The following ETS1 variants were observed in gnomAD, a reference collection of about 807,000 sequenced individuals.
The protein encoded by ETS1 is protein C-ets-1.
ETS1 carries 15 observed loss-of-function variants against 58.6 expected under a neutral mutation model. That is an observed-to-expected ratio of 0.26 (90% CI 0.17 to 0.39). The LOEUF (loss-of-function observed/expected upper bound fraction) is 0.39, where lower values mean the gene tolerates loss of function less well. Among genes scored for constraint, ETS1 ranks in the 10% least tolerant of loss-of-function variants. ETS1 has a pLI of 1.00. For synonymous variants in ETS1, 214 were observed against 218.2 expected (o/e 0.98, Z 0.17); for missense variants, 417 against 610.5 (o/e 0.68, Z 3.34).
chr11:128,578,147 CA>C (rs1329466526), intron 1 of ETS1, among the ~76,000 whole-genome samples: 6 of 152,146 alleles, frequency 3.9e-5, no homozygotes, highest in Non-Finnish European at 7.3e-5. Context: ...CCACCCTCCC[CA>C]AACTGGCAAC....
chr11:128,560,792 G>A (rs972442540), intron 2 of ETS1, among the ~76,000 whole-genome samples: 5 of 152,120 alleles, frequency 3.3e-5, no homozygotes, highest in South Asian at 4.1e-4. Context: ...CCTTAGGAGC[G>A]TACAGACAAG....
At chr11:128,504,462 C>T (rs1378693305) in intron 3 of ETS1, among the ~76,000 whole-genome samples, 1 of 152,214 alleles carries the variant, frequency 6.6e-6, no homozygotes, top group Non-Finnish European at 1.5e-5. Flanking sequence ...GTTCTCTTTC[C>T]TTGCAACCAG....
At chr11:128,536,697 G>C (rs1231874267) in intron 3 of ETS1, 1 of 152,196 alleles carries the variant, frequency 6.6e-6, no homozygotes, top group African/African-American at 2.4e-5. Context: ...TGGTTGAAGG[G>C]AGCAGCCGTG....
intron 7 of ETS1, among the ~76,000 whole-genome samples, chr11:128,481,297 C>T (rs1216267539): frequency 6.6e-6 from 1 of 152,112 alleles, no homozygotes; most frequent in Non-Finnish European, 1.5e-5. Flanking sequence ...TTAAGGCATT[C>T]TTAACTGACC....
Position 128,463,441 on chromosome 11 carries a change from G to T in ETS1, c.1242+68C>A. 1 of 929,162 alleles carries T rather than the reference G, an allele frequency of 1.1e-6. No individual in the cohort carries two copies. 57.6% of individuals were successfully genotyped at this position (929,162 alleles called of 1,614,324 possible). A position where few individuals can be genotyped will look rare whatever the true frequency, so the allele number is the denominator to read the frequency against. ...CCTGGAACACGTCATTCAGGCCCACGCCACCCCTTCCAGGAGTTTTCTCTC... is the reference window on the plus strand; with the variant it reads ...CCTGGAACACGTCATTCAGGCCCACTCCACCCCTTCCAGGAGTTTTCTCTC... On this transcript the variant is annotated intron_variant, in intron 9 of 9. Transcript: ENST00000392668. This position sits in a 1 kb window ranked among gnomAD's most constrained non-coding sequence, Gnocchi z 4.1.
In ETS1 at chr11:128,460,189, G is replaced by A. The variant is rs1861874359; in HGVS notation, c.*2172C>T. ...CCAACAAAAATCACATAATCTAAGA[G>A]AAAACAATGTAGTCCAAACAGTTCC... On this transcript the variant is annotated 3_prime_UTR_variant, in exon 10 of 10. Coordinates refer to ENST00000392668, the MANE Select transcript of ETS1 (RefSeq NM_001143820.2). 6.6e-6 allele frequency: 1 copy of A among 152,500 alleles called. No homozygotes were observed. Among genetic ancestry groups the A allele is most frequent in the African/African-American group, 2.4e-5 (1 of 41,292 alleles). The allele number at this position is 152,500 out of a possible 1,614,324, so 9.4% of individuals were successfully genotyped here.
At chr11:128,483,960 T>C (rs1426009976) in intron 7 of ETS1, among the ~76,000 whole-genome samples, 2 of 152,240 alleles carry the variant, frequency 1.3e-5, no homozygotes, top group African/African-American at 2.4e-5. Flanking sequence ...AGAAATCATC[T>C]AGCTCTTGCT....
intron 6 of ETS1, 86 bp downstream of exon 6, chr11:128,485,983 C>T: frequency 1.3e-6 from 1 of 774,782 alleles, no homozygotes; most frequent in Non-Finnish European, 2.3e-6. Context: ...ATAGAATTAC[C>T]ATGAAGGAGC....
chr11:128,581,366 T>G (rs919697164), intron 1 of ETS1, among the ~76,000 whole-genome samples: 1 of 152,192 alleles, frequency 6.6e-6, no homozygotes, highest in African/African-American at 2.4e-5. Context: ...AAAGGTAATA[T>G]TCAATACACT....
At chr11:128,559,829 G>T (rs1864376128) in intron 2 of ETS1, among the ~76,000 whole-genome samples, 1 of 152,182 alleles carries the variant, frequency 6.6e-6, no homozygotes, top group Non-Finnish European at 1.5e-5. Flanking sequence ...TTATTAACAG[G>T]TCAGAAATCT....
At chr11:128,497,418 A>G (rs1342298792) in intron 3 of ETS1, among the ~76,000 whole-genome samples, 3 of 152,256 alleles carry the variant, frequency 2.0e-5, no homozygotes, top group African/African-American at 7.2e-5. Context: ...GCCAGGCCTG[A>G]GAAAGAAGCC....
intron 1 of ETS1, among the ~76,000 whole-genome samples, chr11:128,584,399 G>C (rs913130104): frequency 2.6e-5 from 4 of 152,114 alleles, no homozygotes; most frequent in African/African-American, 9.7e-5. Flanking sequence ...CTCTAATCAG[G>C]GTCCACCATG....
At chr11:128,488,863 CT>C (rs770908219) in intron 5 of ETS1, among the ~76,000 whole-genome samples, 7 of 152,158 alleles carry the variant, frequency 4.6e-5, no homozygotes, top group African/African-American at 1.4e-4. Context: ...AGACGCTAAG[CT>C]TTCCCGGGAT....
chr11:128,587,322 T>C (rs1367818133), intron 1 of ETS1, among the ~76,000 whole-genome samples, 166 bp downstream of exon 1: 2 of 152,258 alleles, frequency 1.3e-5, no homozygotes, highest in Admixed American at 6.5e-5. Context: ...TTTTTGAAAA[T>C]TGTTAAACAA....
At chr11:128,585,320 GAAGGAAGGAAGCAAGGAAGGAAGGAAGC>G (rs1314014901) in intron 1 of ETS1, among the ~76,000 whole-genome samples, 2 of 141,184 alleles carry the variant, frequency 1.4e-5, no homozygotes, top group Non-Finnish European at 3.2e-5. Flanking sequence ...AGGGAAGAAG[GAAGGAAGGAAGCAAGGAAGGAAGGAAGC>G]AAGGAAGGAA....
chr11:128,585,087 AAAGG>A (rs1565421436), intron 1 of ETS1, among the ~76,000 whole-genome samples: 10 of 31,108 alleles, frequency 3.2e-4, no homozygotes, highest in African/African-American at 1.6e-3. Flanking sequence ...AGAAAGAAAG[AAAGG>A]AAAGAAAGAA....
chr11:128,520,614 T>C (rs1383925858), intron 3 of ETS1, among the ~76,000 whole-genome samples: 2 of 152,264 alleles, frequency 1.3e-5, no homozygotes, highest in East Asian at 3.9e-4. Flanking sequence ...GTCTCCATGG[T>C]TCCAGCTGCG....
chr11:128,477,378 A>G lies in ETS1; in HGVS notation c.1123+2813T>C, dbSNP rs1200528246. ...GTCTATACAATGATTTCTGCTTTCC[A>G]AAGTACTTTTGCAAATTTCAGCTCA... On this transcript the variant is annotated intron_variant, in intron 8 of 9. Coordinates refer to ENST00000392668, the MANE Select transcript of ETS1 (RefSeq NM_001143820.2). Among the ~76,000 whole-genome samples, 7 of 152,358 alleles carry G rather than the reference A, an allele frequency of 4.6e-5. No individual in the cohort carries two copies. In the East Asian group the frequency reaches 1.3e-3, roughly 29 times the overall value.
Position 128,460,115 on chromosome 11 carries a change from CA to C in ETS1, c.*2245del, listed in dbSNP as rs760335083. ...ACACACACACACACACACACACACACAACATTCACACACATGCACACATTCA... is the reference window on the plus strand; with the variant it reads ...ACACACACACACACACACACACACACACATTCACACACATGCACACATTCA... On this transcript the variant is annotated 3_prime_UTR_variant, in exon 10 of 10. Coordinates refer to ENST00000392668, the MANE Select transcript of ETS1 (RefSeq NM_001143820.2). The C allele has an allele frequency of 6.9e-6, 1 of 145,594 alleles. No homozygotes were observed. Among genetic ancestry groups the C allele is most frequent in the Admixed American group, 6.8e-5 (1 of 14,670 alleles). 9.0% of individuals were successfully genotyped at this position (145,594 alleles called of 1,614,324 possible).
Sources: gnomAD v4.1 joint callset for allele counts (sites outside exome capture counted in the v4.1 genomes callset) on GRCh38, gnomAD v4.1.1 for gene constraint, Gnocchi (gnomAD v3.1) non-coding constraint, MANE v1.5 for transcripts, NCBI Gene and HGNC (gene_info 2026-07-23, HGNC 2026-07-21) for gene names.